ZNF365: variants seen among roughly 807,000 people sequenced by gnomAD.
ZNF365 encodes zinc finger protein 365, also known as protein ZNF365.
Under a neutral mutation model 35.0 loss-of-function variants are expected in ZNF365, and 22 were observed. That is an observed-to-expected ratio of 0.63 (90% CI 0.45 to 0.90). The LOEUF (loss-of-function observed/expected upper bound fraction) is 0.90. ZNF365 is among the 40% of genes least tolerant of loss of function. The pLI is 0.00. For synonymous variants in ZNF365, 188 were observed against 196.2 expected (o/e 0.96, Z 0.35); for missense variants, 448 against 500.3 (o/e 0.90, Z 1.00).
chr10:62,467,819 T>A (rs1840969050), intron 4 of ZNF365, among the ~76,000 whole-genome samples: 1 of 152,182 alleles, frequency 6.6e-6, no homozygotes, highest in Non-Finnish European at 1.5e-5. Context: ...TCCTGAATGA[T>A]CAAGTATCTA....
At chr10:62,450,591 A>C (rs1045668537) in intron 3 of ZNF365, among the ~76,000 whole-genome samples, 1 of 152,198 alleles carries the variant, frequency 6.6e-6, no homozygotes, top group Non-Finnish European at 1.5e-5. Context: ...GCTAACCCCT[A>C]TTCCTTTCTG....
chr10:62,464,488 A>C (rs1355179988), intron 4 of ZNF365, among the ~76,000 whole-genome samples: 1 of 152,224 alleles, frequency 6.6e-6, no homozygotes, highest in Non-Finnish European at 1.5e-5. Flanking sequence ...CCTTACTCAT[A>C]GCAGATGTTC....
chr10:62,460,020 A>G (rs955429449), intron 4 of ZNF365, among the ~76,000 whole-genome samples: 2 of 152,100 alleles, frequency 1.3e-5, no homozygotes, highest in East Asian at 3.8e-4. Context: ...TTTTCCCCCT[A>G]TATATGATGT....
chr10:62,425,696 G>A (rs1245730997), intron 3 of ZNF365, among the ~76,000 whole-genome samples: 1 of 152,152 alleles, frequency 6.6e-6, no homozygotes, highest in Non-Finnish European at 1.5e-5. Flanking sequence ...GCTTCACACT[G>A]CACACTCGGC....
downstream of ZNF365, among the ~76,000 whole-genome samples, chr10:62,403,792 C>G (rs779842729): frequency 1.3e-5 from 2 of 152,238 alleles, no homozygotes; most frequent in Non-Finnish European, 2.9e-5. Context: ...TGAGAAATAG[C>G]TGTGACATTC....
intron 3 of ZNF365, among the ~76,000 whole-genome samples, chr10:62,411,115 A>G (rs1432749231): frequency 6.6e-6 from 1 of 151,874 alleles, no homozygotes; most frequent in Non-Finnish European, 1.5e-5. Flanking sequence ...CCCACTTTTT[A>G]GTGGGATTGT....
intron 3 of ZNF365, among the ~76,000 whole-genome samples, chr10:62,410,997 T>G (rs1839976912): frequency 6.6e-6 from 1 of 152,200 alleles, no homozygotes; most frequent in Non-Finnish European, 1.5e-5. Context: ...TGTATCATTG[T>G]GGTTTTGATT....
chr10:62,403,214 A>G (rs908084560), downstream of ZNF365, among the ~76,000 whole-genome samples: 1 of 152,152 alleles, frequency 6.6e-6, no homozygotes, highest in Non-Finnish European at 1.5e-5. Flanking sequence ...TAAGAAAATC[A>G]TAAGGAAGAG....
chr10:62,445,694 C>T (rs1330423818), intron 3 of ZNF365, among the ~76,000 whole-genome samples: 6 of 152,174 alleles, frequency 3.9e-5, no homozygotes, highest in Non-Finnish European at 7.3e-5. Flanking sequence ...GGATTTGTTA[C>T]ACCATTTTCT....
At chr10:62,459,014 C>T (rs1840805023) in intron 3 of ZNF365, among the ~76,000 whole-genome samples, 1 of 152,162 alleles carries the variant, frequency 6.6e-6, no homozygotes, top group East Asian at 1.9e-4. Flanking sequence ...AAAGAAATGA[C>T]TATCTTATGT....
intron 3 of ZNF365, among the ~76,000 whole-genome samples, chr10:62,408,631 G>A (rs148189349): frequency 5.6e-4 from 85 of 152,158 alleles, no homozygotes; most frequent in Middle Eastern, 3.4e-3. Context: ...GGCTAAACAC[G>A]GAGACTTAGA....
At chr10:62,411,580 A>G (rs952563563) in intron 3 of ZNF365, among the ~76,000 whole-genome samples, 1 of 152,088 alleles carries the variant, frequency 6.6e-6, no homozygotes, top group Non-Finnish European at 1.5e-5. Flanking sequence ...TGAAGATTCA[A>G]TGGTTGCAGC....
rs116704162 is a variant in ZNF365, at chr10:62,419,011, T to G, written c.924+30435T>G. 4.2e-3 allele frequency among the ~76,000 whole-genome samples: 503 copies of G among 118,968 alleles called. 3 individuals carry two copies. Among genetic ancestry groups the G allele is most frequent in the African/African-American group, 0.013 (475 of 35,684 alleles). 78.0% of individuals were successfully genotyped at this position (118,968 alleles called of 152,430 possible). ...TAATATTATACACGTCTGAAGAACA[T>G]TATAAATATACCCTGGAAATTTATT... On this transcript the variant is annotated intron_variant, in intron 3 of 4. Transcript: ENST00000395255.
At chr10:62,403,769 G>T (rs549813529), downstream of ZNF365, among the ~76,000 whole-genome samples, 1 of 152,340 alleles carries the variant, frequency 6.6e-6, no homozygotes. Flanking sequence ...GGTTCCCCAG[G>T]TTATAGTGTT....
At chr10:62,435,210 G>T (rs905628474) in intron 3 of ZNF365, among the ~76,000 whole-genome samples, 1 of 152,182 alleles carries the variant, frequency 6.6e-6, no homozygotes, top group African/African-American at 2.4e-5. Context: ...TTCACTCACA[G>T]ATGAGCATGT....
intron 3 of ZNF365, among the ~76,000 whole-genome samples, chr10:62,415,413 T>A (rs1840058106): frequency 6.6e-6 from 1 of 152,184 alleles, no homozygotes; most frequent in African/African-American, 2.4e-5. Context: ...TCAGTCTACC[T>A]CTTATTTGGT....
intron 3 of ZNF365, among the ~76,000 whole-genome samples, chr10:62,442,483 A>C (rs1183431251): frequency 6.6e-6 from 1 of 152,176 alleles, no homozygotes; most frequent in African/African-American, 2.4e-5. Context: ...GGTGGGGTGG[A>C]GGGAGATACT....
At chr10:62,464,065 A>G (rs1840891941) in intron 4 of ZNF365, among the ~76,000 whole-genome samples, 2 of 152,196 alleles carry the variant, frequency 1.3e-5, no homozygotes, top group African/African-American at 4.8e-5. Context: ...CTCACAACCC[A>G]GTCTTGAGCA....
At chr10:62,470,862 T>A (rs1006497302) in intron 4 of ZNF365, among the ~76,000 whole-genome samples, 1 of 152,164 alleles carries the variant, frequency 6.6e-6, no homozygotes. Context: ...TGTTTTTTAA[T>A]GTGTTGCAAA....
Sources: allele counts gnomAD v4.1 joint callset (sites outside exome capture counted in the v4.1 genomes callset), GRCh38; gene constraint gnomAD v4.1.1; transcripts MANE v1.5; gene names NCBI Gene and HGNC (gene_info 2026-07-23, HGNC 2026-07-21).